DPYD: variants seen among roughly 807,000 people sequenced by gnomAD.
The protein encoded by DPYD is dihydropyrimidine dehydrogenase [NADP(+)].
Under a neutral mutation model 116.2 loss-of-function variants are expected in DPYD, and 109 were observed. The observed-to-expected ratio is 0.94, with a 90% CI of 0.80 to 1.10. DPYD has a LOEUF of 1.10. Among genes scored for constraint, DPYD ranks in the 50% least tolerant of loss-of-function variants. The probability of loss-of-function intolerance (pLI) is 0.00; values close to 1 mark genes in which losing one functional copy is unlikely to be tolerated. For missense variants in DPYD, 1,302 were observed against 1,254.5 expected, an observed-to-expected ratio of 1.04 and a Z score of -0.57; for synonymous variants, 440 against 432.0, an observed-to-expected ratio of 1.02 and a Z score of -0.23.
intron 2 of DPYD, among the ~76,000 whole-genome samples, chr1:97,828,544 T>C (rs1242629586): frequency 6.6e-6 from 1 of 152,096 alleles, no homozygotes; most frequent in East Asian, 1.9e-4. Context: ...ATCTTAAGTA[T>C]AGAAAATCCA....
intron 1 of DPYD, among the ~76,000 whole-genome samples, chr1:97,887,743 T>C (rs1262053698): frequency 6.6e-6 from 1 of 151,992 alleles, no homozygotes; most frequent in East Asian, 1.9e-4. Flanking sequence ...AAATCTCATC[T>C]TGAATTGTAG....
At chr1:97,340,671 A>G (rs1035276433) in intron 16 of DPYD, among the ~76,000 whole-genome samples, 1 of 152,110 alleles carries the variant, frequency 6.6e-6, no homozygotes, top group African/African-American at 2.4e-5. Flanking sequence ...GTGAGACCCT[A>G]TCTCAAAAAA....
At chr1:97,592,950 T>A (rs1654621841) in intron 10 of DPYD, among the ~76,000 whole-genome samples, 1 of 152,168 alleles carries the variant, frequency 6.6e-6, no homozygotes, top group African/African-American at 2.4e-5. Context: ...TGTTACTAGT[T>A]ACATAGAATA....
chr1:97,557,461 G>A (rs533843504), intron 11 of DPYD, among the ~76,000 whole-genome samples: 7 of 151,744 alleles, frequency 4.6e-5, no homozygotes, highest in South Asian at 4.2e-4. Context: ...GATTACAGGC[G>A]CTTGTCACCA....
intron 2 of DPYD, among the ~76,000 whole-genome samples, chr1:97,843,001 T>C (rs1670110861): frequency 6.6e-6 from 1 of 152,120 alleles, no homozygotes. Context: ...GGAAAACAGC[T>C]AGTCTTCTTT....
At chr1:97,322,405 T>C (rs1398518261) in intron 16 of DPYD, among the ~76,000 whole-genome samples, 2 of 151,918 alleles carry the variant, frequency 1.3e-5, no homozygotes, top group African/African-American at 4.8e-5. Flanking sequence ...TTGAGGTAAA[T>C]ACTCAAAACT....
intron 18 of DPYD, among the ~76,000 whole-genome samples, chr1:97,256,227 A>G (rs1202432666): frequency 6.6e-6 from 1 of 152,112 alleles, no homozygotes; most frequent in Non-Finnish European, 1.5e-5. Context: ...AGCATACCCA[A>G]TAATAGCAGT....
chr1:97,360,576 G>C (rs969464350), intron 16 of DPYD, among the ~76,000 whole-genome samples: 16 of 151,780 alleles, frequency 1.1e-4, no homozygotes, highest in Non-Finnish European at 1.8e-4. Context: ...TCAGCAAATG[G>C]AAAAGAACAG....
intron 3 of DPYD, among the ~76,000 whole-genome samples, chr1:97,777,698 A>T (rs1200613352): frequency 6.6e-6 from 1 of 152,150 alleles, no homozygotes; most frequent in South Asian, 2.1e-4. Flanking sequence ...TTGGTAGGAA[A>T]TTTAAAAATG....
At chr1:97,440,063 G>A (rs1254108883) in intron 14 of DPYD, among the ~76,000 whole-genome samples, 1 of 152,056 alleles carries the variant, frequency 6.6e-6, no homozygotes, top group African/African-American at 2.4e-5. Flanking sequence ...ATCACCTGAG[G>A]TCGGGAGTTC....
At chr1:97,458,760 G>C (rs1676848578) in intron 13 of DPYD, among the ~76,000 whole-genome samples, 1 of 152,200 alleles carries the variant, frequency 6.6e-6, no homozygotes, top group South Asian at 2.1e-4. Flanking sequence ...ATCTTAACCT[G>C]TGTGAGCCCC....
At chr1:97,156,932 C>G (rs532773374) in intron 20 of DPYD, among the ~76,000 whole-genome samples, 1 of 151,568 alleles carries the variant, frequency 6.6e-6, no homozygotes, top group African/African-American at 2.4e-5. Flanking sequence ...GAATACTATG[C>G]AGCCATAAAA....
At chr1:97,131,586 T>C (rs763317139) in intron 20 of DPYD, among the ~76,000 whole-genome samples, 2 of 152,118 alleles carry the variant, frequency 1.3e-5, no homozygotes, top group Admixed American at 6.6e-5. Context: ...TCAAGAGCAG[T>C]GGAAGCTGAA....
At chr1:97,300,652 T>C (rs1666808028) in intron 18 of DPYD, among the ~76,000 whole-genome samples, 1 of 152,042 alleles carries the variant, frequency 6.6e-6, no homozygotes, top group South Asian at 2.1e-4. Flanking sequence ...ATCTCCCTGA[T>C]TTTACACAAA....
intron 16 of DPYD, among the ~76,000 whole-genome samples, chr1:97,314,357 T>C (rs1053621554): frequency 6.6e-5 from 10 of 151,970 alleles, no homozygotes; most frequent in Non-Finnish European, 8.8e-5. Context: ...GTTTTGTTCC[T>C]TTAAATATCA....
intron 16 of DPYD, among the ~76,000 whole-genome samples, chr1:97,314,493 T>A (rs1015724174): frequency 2.8e-5 from 4 of 144,798 alleles, no homozygotes; most frequent in African/African-American, 5.2e-5. Flanking sequence ...AAGCTTTCTT[T>A]TTTTTTTTTT....
chr1:97,236,954 C>T (rs144046755), intron 18 of DPYD, among the ~76,000 whole-genome samples: 1,572 of 152,156 alleles, frequency 0.01, 33 homozygotes, highest in African/African-American at 0.037. Context: ...TGGTGGCTCA[C>T]GCCTATAATC....
At chr1:97,615,049 T>TAGTGCTAACTATGATTAA (rs1553205727) in intron 8 of DPYD, among the ~76,000 whole-genome samples, 1 of 152,166 alleles carries the variant, frequency 6.6e-6, no homozygotes, top group Non-Finnish European at 1.5e-5. Flanking sequence ...ATTTGAATAC[T>TAGTGCTAACTATGATTAA]AGTGCTAACT....
At chr1:97,716,394 A>T (rs529782469) in intron 5 of DPYD, among the ~76,000 whole-genome samples, 1 of 152,212 alleles carries the variant, frequency 6.6e-6, no homozygotes, top group African/African-American at 2.4e-5. Flanking sequence ...AGCAATTAAT[A>T]CATTTTGTGT....
Sources: allele counts gnomAD v4.1 joint callset (sites outside exome capture counted in the v4.1 genomes callset), GRCh38; gene constraint gnomAD v4.1.1; transcripts MANE v1.5; gene names NCBI Gene and HGNC (gene_info 2026-07-23, HGNC 2026-07-21).